Variants in JAKMIP1 observed in about 807,000 individuals in gnomAD.
The protein encoded by JAKMIP1 is janus kinase and microtubule interacting protein 1, also known as janus kinase and microtubule-interacting protein 1.
A neutral mutation model predicts 113.0 loss-of-function variants in JAKMIP1; 33 were observed. The ratio of observed to expected loss-of-function variants is 0.29; its 90% CI spans 0.22 to 0.39. The LOEUF (loss-of-function observed/expected upper bound fraction) is 0.39, where lower values mean the gene tolerates loss of function less well. Ranked by LOEUF, JAKMIP1 falls within the 10% of genes least tolerant of loss-of-function variation. The pLI is 1.00. For synonymous variants in JAKMIP1, 480 were observed against 459.9 expected, an observed-to-expected ratio of 1.04 and a Z score of -0.56; for missense variants, 813 against 1,080.5, an observed-to-expected ratio of 0.75 and a Z score of 3.47.
chr4:6,119,573 A>AAC (rs1560219435), intron 1 of JAKMIP1, among the ~76,000 whole-genome samples: 1 of 85,624 alleles, frequency 1.2e-5, no homozygotes, highest in African/African-American at 5.4e-5. Flanking sequence ...ACAACAACAA[A>AAC]AAAAAACCAC....
At chr4:6,058,026 C>T (rs1716731314) in intron 11 of JAKMIP1, among the ~76,000 whole-genome samples, 1 of 152,252 alleles carries the variant, frequency 6.6e-6, no homozygotes, top group African/African-American at 2.4e-5. Flanking sequence ...GTTTGTTACT[C>T]AGCAACAGCA....
At position 6,138,625 on chromosome 4, in the gene JAKMIP1, A is replaced by G. The variant is rs1719610568; in HGVS notation, c.-147-25628T>C. Among the ~76,000 whole-genome samples, 1 of 152,192 alleles carries G rather than the reference A, an allele frequency of 6.6e-6. No homozygotes were observed. Among genetic ancestry groups the G allele is most frequent in the African/African-American group, 2.4e-5 (1 of 41,414 alleles). On this transcript the variant is annotated intron_variant, in intron 1 of 20. Transcript: ENST00000409021. The surrounding 1 kb of genome is among the most constrained non-coding windows in gnomAD (Gnocchi z 6.0). The stretch of plus-strand genomic sequence containing the variant: ...CAAATATTTTGACGATGTTAACTAC[A>G]GACAGACCCTCCACACACCTACATC...
At chr4:6,151,576 T>G in intron 1 of JAKMIP1, among the ~76,000 whole-genome samples, 1 of 152,156 alleles carries the variant, frequency 6.6e-6, no homozygotes, top group African/African-American at 2.4e-5. Context: ...GAGCTTCCCA[T>G]GCCCCACCTA....
chr4:6,104,951 G>T (rs530164713), intron 3 of JAKMIP1, among the ~76,000 whole-genome samples: 21 of 152,170 alleles, frequency 1.4e-4, no homozygotes, highest in Middle Eastern at 3.2e-3. Flanking sequence ...ATCCACAAAT[G>T]CCCCAAGGGA....
intron 3 of JAKMIP1, among the ~76,000 whole-genome samples, chr4:6,098,438 A>G (rs1385278018): frequency 1.3e-5 from 2 of 151,420 alleles, no homozygotes; most frequent in African/African-American, 4.9e-5. Context: ...CATCTGAAGG[A>G]ACAAGGAAGG....
rs915509962 is a variant in JAKMIP1 at position 6,140,625 on chromosome 4, A to C, written c.-147-27628T>G. ...CCACTGCTCCTGGAGGGGTGGAGAAATACATGATTTTGTTTATCTCCTTTT... is the reference window on the plus strand; with the variant it reads ...CCACTGCTCCTGGAGGGGTGGAGAACTACATGATTTTGTTTATCTCCTTTT... On this transcript the variant is annotated intron_variant, in intron 1 of 20. Coordinates refer to ENST00000409021, the MANE Select transcript of JAKMIP1 (RefSeq NM_001099433.2). The surrounding 1 kb of genome is among the most constrained non-coding windows in gnomAD (Gnocchi z 9.4). Among the ~76,000 whole-genome samples, 2 of 152,106 alleles carry C rather than the reference A, an allele frequency of 1.3e-5. No homozygotes were observed. The highest frequency in any genetic ancestry group is 2.9e-5 in the Non-Finnish European group (2 of 68,028).
In JAKMIP1 at chr4:6,094,177, T is replaced by C. The variant is rs765491638; in HGVS notation, c.625-8548A>G. ...AGTTCATGAGTTTTAAAAACAACCATTATGGTTTTATAAAAGCATAAAATA... is the reference window on the plus strand; with the variant it reads ...AGTTCATGAGTTTTAAAAACAACCACTATGGTTTTATAAAAGCATAAAATA... On this transcript the variant is annotated intron_variant, in intron 3 of 20. Transcript: ENST00000409021. The surrounding 1 kb of genome is among the most constrained non-coding windows in gnomAD (Gnocchi z 4.2). Among the ~76,000 whole-genome samples the C allele has an allele frequency of 4.6e-5, 7 of 151,946 alleles. No individual in the cohort carries two copies. Among genetic ancestry groups the C allele is most frequent in the Non-Finnish European group, 8.8e-5 (6 of 68,004 alleles).
At chr4:6,182,410 GAAAA>G (rs56678982) in intron 1 of JAKMIP1, among the ~76,000 whole-genome samples, 5 of 120,330 alleles carry the variant, frequency 4.2e-5, no homozygotes, top group African/African-American at 9.3e-5. Flanking sequence ...CCCTGTCTCA[GAAAA>G]AAAAAAAAAA....
At chr4:6,159,102 A>AT (rs377281540) in intron 1 of JAKMIP1, among the ~76,000 whole-genome samples, 1 of 150,346 alleles carries the variant, frequency 6.7e-6, no homozygotes, top group East Asian at 1.9e-4. Context: ...AAAAAAAAAA[A>AT]TTAATAAAAA....
At chr4:6,107,421 C>T (rs1485839706) in intron 2 of JAKMIP1, among the ~76,000 whole-genome samples, 1 of 152,190 alleles carries the variant, frequency 6.6e-6, no homozygotes, top group Non-Finnish European at 1.5e-5. Flanking sequence ...GGCCACAATG[C>T]CCAGTCGTTT....
At chr4:6,098,530 G>A (rs1257071515) in intron 3 of JAKMIP1, among the ~76,000 whole-genome samples, 5 of 57,066 alleles carry the variant, frequency 8.8e-5, no homozygotes, top group Admixed American at 2.7e-4. Context: ...AAGAAAGAGA[G>A]AGAGAGAGAG....
chr4:6,026,428 C>G, intron 20 of JAKMIP1, 150 bp from the exon 21 acceptor site: 1 of 618,256 alleles, frequency 1.6e-6, no homozygotes, highest in Non-Finnish European at 2.9e-6. Context: ...GGGAAGTAAA[C>G]AGGCTTTAGG....
At position 6,137,191 on chromosome 4, in the gene JAKMIP1, G is replaced by A. The variant is rs566886873; in HGVS notation, c.-147-24194C>T. On this transcript the variant is annotated intron_variant, in intron 1 of 20. Coordinates refer to ENST00000409021, the MANE Select transcript of JAKMIP1 (RefSeq NM_001099433.2). The surrounding 1 kb of genome is among the most constrained non-coding windows in gnomAD (Gnocchi z 4.5). The stretch of plus-strand genomic sequence containing the variant: ...AGCCTCCCCCATAGGGCTTGGAATC[G>A]AGCCACATGCAGCTCTGCCTCCTCC... Among the ~76,000 whole-genome samples the A allele has an allele frequency of 3.3e-4, 50 of 152,070 alleles. No homozygotes were observed. Among genetic ancestry groups the A allele is most frequent in the Non-Finnish European group, 6.6e-4 (45 of 68,002 alleles).
chr4:6,106,922 A>G lies in JAKMIP1; in HGVS notation c.130-955T>C, dbSNP rs1040574366. ...AAATGGCAATGTTTTTCCCCAGACC[A>G]CACTGTTGATAGCATAGTCACATGT... On this transcript the variant is annotated intron_variant, in intron 2 of 20. Coordinates refer to ENST00000409021, the MANE Select transcript of JAKMIP1 (RefSeq NM_001099433.2). This position sits in a 1 kb window ranked among gnomAD's most constrained non-coding sequence, Gnocchi z 5.9. 4.6e-5 allele frequency among the ~76,000 whole-genome samples: 7 copies of G among 152,188 alleles called. No individual in the cohort carries two copies. The highest frequency in any genetic ancestry group is 1.7e-4 in the African/African-American group (7 of 41,438).
chr4:6,187,794 T>G lies in JAKMIP1; in HGVS notation c.-148+12459A>C, dbSNP rs1726809249. On this transcript the variant is annotated intron_variant, in intron 1 of 20. Transcript: ENST00000409021. This position sits in a 1 kb window ranked among gnomAD's most constrained non-coding sequence, Gnocchi z 4.2. ...ATACTTGGATCATATATTTTATCCC[T>G]GACAACATCTACCTTTTGACTGGCT... Among the ~76,000 whole-genome samples, 1 of 152,270 alleles carries G rather than the reference T, an allele frequency of 6.6e-6. No individual in the cohort carries two copies. The highest frequency in any genetic ancestry group is 2.1e-4 in the South Asian group (1 of 4,834).
At position 6,136,269 on chromosome 4, in the gene JAKMIP1, T is replaced by C. The variant is rs1719225584; in HGVS notation, c.-147-23272A>G. On this transcript the variant is annotated intron_variant, in intron 1 of 20. Transcript: ENST00000409021. The surrounding 1 kb of genome is among the most constrained non-coding windows in gnomAD (Gnocchi z 5.9). ...TAAATAAATAAATACATAAATAACA[T>C]GTACCAAAGTGCTTGACGTCTAAAT... Among the ~76,000 whole-genome samples, 1 of 152,054 alleles carries C rather than the reference T, an allele frequency of 6.6e-6. No individual in the cohort carries two copies. The highest frequency in any genetic ancestry group is 2.1e-4 in the South Asian group (1 of 4,822).
chr4:6,081,490 T>C lies in JAKMIP1; in HGVS notation c.1101+119A>G. ...CTGTGACTGACACTGTGCCTGGTGC[T>C]TTGTGGGGAGGTGGGCAGCAGGTGC... On this transcript the variant is annotated intron_variant, in intron 6 of 20. Transcript: ENST00000409021. This position sits in a 1 kb window ranked among gnomAD's most constrained non-coding sequence, Gnocchi z 4.6. The C allele has an allele frequency of 9.2e-7, 1 of 1,089,000 alleles. No homozygotes were observed. Among genetic ancestry groups the C allele is most frequent in the Non-Finnish European group, 1.4e-6 (1 of 738,502 alleles). 67.5% of individuals were successfully genotyped at this position (1,089,000 alleles called of 1,614,324 possible).
At chr4:6,190,852 G>A (rs80224659) in intron 1 of JAKMIP1, among the ~76,000 whole-genome samples, 2,543 of 152,266 alleles carry the variant, frequency 0.017, 63 homozygotes, top group African/African-American at 0.058. Flanking sequence ...TTGGGAACTC[G>A]GCCCATAGTC....
chr4:6,046,580 G>A (rs1715024828), intron 16 of JAKMIP1, among the ~76,000 whole-genome samples: 1 of 151,946 alleles, frequency 6.6e-6, no homozygotes, highest in Admixed American at 6.6e-5. Context: ...GGGCAGGCGG[G>A]CGGCAGTGGG....
Sources: allele counts gnomAD v4.1 joint callset (sites outside exome capture counted in the v4.1 genomes callset), GRCh38; gene constraint gnomAD v4.1.1; non-coding constraint Gnocchi (gnomAD v3.1); transcripts MANE v1.5; gene names NCBI Gene and HGNC (gene_info 2026-07-23, HGNC 2026-07-21).